Variants in PTPN14 observed in about 807,000 individuals in gnomAD.
PTPN14 encodes tyrosine-protein phosphatase non-receptor type 14.
In PTPN14, 53 loss-of-function variants were observed where a neutral mutation model predicts 126.8. The ratio of observed to expected loss-of-function variants is 0.42; its 90% CI spans 0.34 to 0.53. The LOEUF is 0.53. PTPN14 is among the 20% of genes least tolerant of loss of function. The probability of loss-of-function intolerance (pLI) is 0.08; values close to 1 mark genes in which losing one functional copy is unlikely to be tolerated. For synonymous variants in PTPN14, 630 were observed against 599.3 expected (o/e 1.05, Z -0.75); for missense variants, 1,257 against 1,552.9 (o/e 0.81, Z 3.20).
chr1:214,449,513 T>C (rs926678270), intron 3 of PTPN14, among the ~76,000 whole-genome samples: 44 of 152,208 alleles, frequency 2.9e-4, no homozygotes, highest in African/African-American at 9.9e-4. Context: ...TCATCACTCA[T>C]TACCTTGCAC....
In PTPN14 at chr1:214,471,045, C is replaced by CA. The variant is rs779677104; in HGVS notation, c.-154-6089dup. On this transcript the variant is annotated intron_variant, in intron 1 of 18. Transcript: ENST00000366956. ...CATCTCAAAAAAAAAAAAAACAAAACAAAAAAACAACTACACTTGAACCCC... is the reference window on the plus strand; with the variant it reads ...CATCTCAAAAAAAAAAAAAACAAAACAAAAAAAACAACTACACTTGAACCCC... Among the ~76,000 whole-genome samples the CA allele has an allele frequency of 4.0e-3, 479 of 120,490 alleles. 5 individuals are homozygous for CA. The East Asian group carries it at 0.046, about 11-fold the overall frequency. The allele number at this position is 120,490 out of a possible 152,430, so 79.0% of individuals were successfully genotyped here.
At chr1:214,495,150 A>T (rs1411708816) in intron 1 of PTPN14, among the ~76,000 whole-genome samples, 1 of 152,226 alleles carries the variant, frequency 6.6e-6, no homozygotes, top group Non-Finnish European at 1.5e-5. Context: ...CTGAAGAAAG[A>T]GCACTGAATT....
chr1:214,525,361 T>A lies in PTPN14; in HGVS notation c.-155+25822A>T, dbSNP rs144048146. Among the ~76,000 whole-genome samples the A allele has an allele frequency of 3.3e-3, 505 of 152,310 alleles. 4 individuals are homozygous for A. Among genetic ancestry groups the A allele is most frequent in the African/African-American group, 0.011 (438 of 41,560 alleles). On this transcript the variant is annotated intron_variant, in intron 1 of 18. Coordinates refer to ENST00000366956, the MANE Select transcript of PTPN14 (RefSeq NM_005401.5). ...TGAAAATATATCCAAACAAAATTAA[T>A]TGTAATGTAAACAAATGTAAAAACA...
At position 214,364,045 on chromosome 1, in the gene PTPN14, A is replaced by ACAACC. The variant is rs960372427; in HGVS notation, c.3435+462_3435+466dup. Among the ~76,000 whole-genome samples the ACAACC allele has an allele frequency of 3.9e-5, 6 of 152,168 alleles. No homozygotes were observed. The highest frequency in any genetic ancestry group is 1.4e-4 in the African/African-American group (6 of 41,442). ...CGCAACAACCAGACTAGACAAGCAA[A>ACAACC]CAACCCCTCAAACCTCACTCTGAAG... On this transcript the variant is annotated intron_variant, in intron 18 of 18. Transcript: ENST00000366956. The surrounding 1 kb of genome is among the most constrained non-coding windows in gnomAD (Gnocchi z 4.1).
At chr1:214,402,437 CAAA>C (rs1165595746) in intron 6 of PTPN14, among the ~76,000 whole-genome samples, 8 of 48,164 alleles carry the variant, frequency 1.7e-4, no homozygotes, top group African/African-American at 6.7e-4. Flanking sequence ...GAGACTCTGT[CAAA>C]AAAAAAAAAA....
intron 1 of PTPN14, among the ~76,000 whole-genome samples, chr1:214,547,912 A>G (rs1656012555): frequency 7.5e-6 from 1 of 134,138 alleles, no homozygotes; most frequent in Non-Finnish European, 1.5e-5. Context: ...AATAGACTGA[A>G]AAAAAAAAAA....
intron 1 of PTPN14, among the ~76,000 whole-genome samples, chr1:214,513,126 G>T (rs1197142731): frequency 6.6e-6 from 1 of 152,068 alleles, no homozygotes; most frequent in East Asian, 1.9e-4. Flanking sequence ...AAATGATCTG[G>T]TCTGGGATAG....
intron 3 of PTPN14, among the ~76,000 whole-genome samples, chr1:214,424,798 C>G (rs1558096360): frequency 6.6e-6 from 1 of 152,222 alleles, no homozygotes; most frequent in African/African-American, 2.4e-5. Flanking sequence ...ATCTCCATGC[C>G]TTGGCCTTCC....
chr1:214,392,066 C>A (rs1420841418), intron 10 of PTPN14, among the ~76,000 whole-genome samples: 1 of 152,092 alleles, frequency 6.6e-6, no homozygotes, highest in Non-Finnish European at 1.5e-5. Context: ...AAGGATGCTG[C>A]TGTGCATGCA....
chr1:214,515,794 GA>G (rs143180203), intron 1 of PTPN14, among the ~76,000 whole-genome samples: 2,228 of 147,244 alleles, frequency 0.015, 16 homozygotes, highest in South Asian at 0.032. Context: ...GTGAAGAAAA[GA>G]AAAAAAAAAC....
At chr1:214,363,808 T>C (rs772084304) in intron 18 of PTPN14, among the ~76,000 whole-genome samples, 13 of 152,200 alleles carry the variant, frequency 8.5e-5, no homozygotes, top group Non-Finnish European at 1.3e-4. Flanking sequence ...AACTATTCCT[T>C]AGCTTTTGAC....
chr1:214,504,430 G>A (rs751096764), intron 1 of PTPN14, among the ~76,000 whole-genome samples: 3 of 152,148 alleles, frequency 2.0e-5, no homozygotes, highest in Non-Finnish European at 4.4e-5. Context: ...AGCCCTGGAA[G>A]CCTGTGCTCT....
At chr1:214,497,734 A>C (rs1253677596) in intron 1 of PTPN14, among the ~76,000 whole-genome samples, 2 of 152,218 alleles carry the variant, frequency 1.3e-5, no homozygotes, top group African/African-American at 4.8e-5. Context: ...GCATAGTATA[A>C]TTTTGTTTCT....
At chr1:214,469,565 T>C (rs1660708471) in intron 1 of PTPN14, among the ~76,000 whole-genome samples, 1 of 152,188 alleles carries the variant, frequency 6.6e-6, no homozygotes, top group South Asian at 2.1e-4. Flanking sequence ...CACATGCTCA[T>C]AGAAAGGTCA....
chr1:214,381,213 G>T (rs1658464565), intron 13 of PTPN14, among the ~76,000 whole-genome samples: 1 of 152,144 alleles, frequency 6.6e-6, no homozygotes, highest in Non-Finnish European at 1.5e-5. Context: ...CAAGAGAAGA[G>T]GATGAATACA....
rs1209972217 is a variant in PTPN14 at position 214,356,323 on chromosome 1, C to G, written c.*1599G>C. 1 of 152,108 alleles carries G rather than the reference C, an allele frequency of 6.6e-6. No homozygotes were observed. The highest frequency in any genetic ancestry group is 6.5e-5 in the Admixed American group (1 of 15,272). 9.4% of individuals were successfully genotyped at this position (152,108 alleles called of 1,614,324 possible). A position where few individuals can be genotyped will look rare whatever the true frequency, so the allele number is the denominator to read the frequency against. On this transcript the variant is annotated 3_prime_UTR_variant, in exon 19 of 19. Coordinates refer to ENST00000366956, the MANE Select transcript of PTPN14 (RefSeq NM_005401.5). ...ACCACTGTGGGCATTCCATGCCTTC[C>G]TCCACTGCCGCCTTTTTCCCAAGCT... is the stretch of plus-strand genomic sequence containing the variant.
Position 214,349,975 on chromosome 1 carries a change from G to C in PTPN14, c.*7947C>G, listed in dbSNP as rs1050372333. The C allele has an allele frequency of 3.9e-5, 6 of 152,172 alleles. No individual in the cohort carries two copies. The highest frequency in any genetic ancestry group is 1.9e-4 in the East Asian group (1 of 5,196). The allele number at this position is 152,172 out of a possible 1,614,324, so 9.4% of individuals were successfully genotyped here. On this transcript the variant is annotated 3_prime_UTR_variant, in exon 19 of 19. Transcript: ENST00000366956. ...AGCCACCCTAGCTAAACTCAAAGCA[G>C]CATTCTTGAGATTTTAGCAAAAGGC...
rs986019122 is a variant in PTPN14, at chr1:214,483,779, G to C, written c.-154-18822C>G. On this transcript the variant is annotated intron_variant, in intron 1 of 18. Transcript: ENST00000366956. ...ATTTCTTCACCTTTTAATTATCTCA[G>C]TGGTTCTCCCTTAACTCTAAATTCT... 5.9e-5 allele frequency among the ~76,000 whole-genome samples: 9 copies of C among 151,956 alleles called. No individual in the cohort carries two copies. In the East Asian group the frequency reaches 1.7e-3, roughly 29 times the overall value.
chr1:214,449,823 AC>A (rs1457075500), intron 3 of PTPN14, among the ~76,000 whole-genome samples: 1 of 148,582 alleles, frequency 6.7e-6, no homozygotes, highest in African/African-American at 2.5e-5. Context: ...TACTTACAAT[AC>A]CTTTTGATTT....
Sources: gnomAD v4.1 joint callset for allele counts (sites outside exome capture counted in the v4.1 genomes callset) on GRCh38, gnomAD v4.1.1 for gene constraint, Gnocchi (gnomAD v3.1) non-coding constraint, MANE v1.5 for transcripts, NCBI Gene and HGNC (gene_info 2026-07-23, HGNC 2026-07-21) for gene names.